FAM107B: variants seen among roughly 807,000 people sequenced by gnomAD.
FAM107B encodes protein FAM107B.
A neutral mutation model predicts 31.5 loss-of-function variants in FAM107B; 21 were observed. The observed-to-expected ratio is 0.67, with a 90% CI of 0.47 to 0.96. FAM107B has a LOEUF of 0.96. Among genes scored for constraint, FAM107B ranks in the 40% least tolerant of loss-of-function variants. The pLI is 0.00. For synonymous variants in FAM107B, 157 were observed against 141.5 expected (o/e 1.11, Z -0.78); for missense variants, 452 against 377.1 (o/e 1.20, Z -1.64).
At chr10:14,770,379 C>T (rs1032707263) in intron 1 of FAM107B, among the ~76,000 whole-genome samples, 1 of 151,882 alleles carries the variant, frequency 6.6e-6, no homozygotes, top group African/African-American at 2.4e-5. Flanking sequence ...AAAAATTAGC[C>T]AGGCGTGGTG....
intron 1 of FAM107B, among the ~76,000 whole-genome samples, chr10:14,737,645 A>G (rs748941558): frequency 3.3e-5 from 5 of 152,094 alleles, no homozygotes; most frequent in African/African-American, 4.8e-5. Flanking sequence ...CAAACAAAAA[A>G]GCAAGCATTT....
intron 2 of FAM107B, among the ~76,000 whole-genome samples, chr10:14,579,000 C>T (rs966176444): frequency 5.3e-5 from 8 of 151,800 alleles, no homozygotes; most frequent in East Asian, 1.9e-4. Flanking sequence ...TAAATTATAA[C>T]GAAGAGAAAA....
At chr10:14,538,049 T>C (rs143536078) in intron 2 of FAM107B, among the ~76,000 whole-genome samples, 1 of 152,280 alleles carries the variant, frequency 6.6e-6, no homozygotes, top group Non-Finnish European at 1.5e-5. Context: ...AGGAAGCTCT[T>C]AGGCACTCCA....
At chr10:14,759,081 G>A (rs1017344595) in intron 1 of FAM107B, among the ~76,000 whole-genome samples, 1 of 151,626 alleles carries the variant, frequency 6.6e-6, no homozygotes, top group Non-Finnish European at 1.5e-5. Context: ...AAGAGGCTGA[G>A]GCAGGAAATC....
At chr10:14,545,541 G>A (rs1588539283) in intron 2 of FAM107B, among the ~76,000 whole-genome samples, 1 of 152,194 alleles carries the variant, frequency 6.6e-6, no homozygotes, top group East Asian at 1.9e-4. Context: ...GCAATGACAT[G>A]CAGCAGATAC....
At chr10:14,623,872 A>G (rs1172113992) in intron 2 of FAM107B, among the ~76,000 whole-genome samples, 2 of 152,218 alleles carry the variant, frequency 1.3e-5, no homozygotes, top group African/African-American at 4.8e-5. Context: ...TCTTAAAGGC[A>G]TATGAAACAA....
chr10:14,560,501 GA>G (rs1426879428), intron 2 of FAM107B, among the ~76,000 whole-genome samples: 6 of 152,226 alleles, frequency 3.9e-5, no homozygotes, highest in African/African-American at 1.4e-4. Context: ...GCAGGTGGCA[GA>G]AACAATGGAG....
intron 2 of FAM107B, among the ~76,000 whole-genome samples, chr10:14,648,001 G>GAA (rs546564001): frequency 7.5e-6 from 1 of 132,714 alleles, no homozygotes; most frequent in Non-Finnish European, 1.6e-5. Flanking sequence ...ATTTTTAGCG[G>GAA]AAAAAAAAAA....
intron 1 of FAM107B, among the ~76,000 whole-genome samples, chr10:14,763,105 T>C (rs543960851): frequency 1.3e-4 from 19 of 151,880 alleles, no homozygotes; most frequent in Non-Finnish European, 1.8e-4. Context: ...CTACTGATAA[T>C]ACAAAACTTA....
intron 1 of FAM107B, among the ~76,000 whole-genome samples, chr10:14,722,585 T>A (rs1280597583): frequency 2.6e-5 from 4 of 152,238 alleles, no homozygotes; most frequent in Non-Finnish European, 4.4e-5. Flanking sequence ...ATATTGAGAA[T>A]CTTGTCATGT....
In FAM107B at chr10:14,518,619, C is replaced by T. The variant is rs1845343602; in HGVS notation, c.*2571G>A. 6.6e-6 allele frequency: 1 copy of T among 152,616 alleles called. No homozygotes were observed. The highest frequency in any genetic ancestry group is 1.5e-5 in the Non-Finnish European group (1 of 68,038). The allele number at this position is 152,616 out of a possible 1,614,324, so 9.5% of individuals were successfully genotyped here. A position where few individuals can be genotyped will look rare whatever the true frequency, so the allele number is the denominator to read the frequency against. ...TAACTTTGGTTCTAAGAATTCCACC[C>T]TCAATTCTTTAATACTTTCCGTTAA... On this transcript the variant is annotated 3_prime_UTR_variant, in exon 5 of 5. Coordinates refer to ENST00000181796, the MANE Select transcript of FAM107B (RefSeq NM_031453.4).
rs1321032513 is a variant in FAM107B at position 14,774,697 on chromosome 10, G to T, written c.-34C>A. The T allele has an allele frequency of 6.3e-7, 1 of 1,584,592 alleles. No individual in the cohort carries two copies. The highest frequency in any genetic ancestry group is 1.2e-5 in the South Asian group (1 of 85,794). ...GTGAATCATTGCAAAGTTCAAACGG[G>T]GCAAGGAAATTTTCCAGGGGTCCAC... On this transcript the variant is annotated 5_prime_UTR_variant, in exon 1 of 5. Coordinates refer to ENST00000181796, the MANE Select transcript of FAM107B (RefSeq NM_031453.4).
intron 1 of FAM107B, among the ~76,000 whole-genome samples, chr10:14,749,527 T>G (rs1411086261): frequency 2.0e-5 from 3 of 152,214 alleles, no homozygotes; most frequent in Non-Finnish European, 4.4e-5. Context: ...TAATTTCCCC[T>G]GGCCCTAGCA....
chr10:14,654,523 T>C (rs1042755396), intron 2 of FAM107B, among the ~76,000 whole-genome samples: 26 of 152,320 alleles, frequency 1.7e-4, no homozygotes, highest in African/African-American at 5.3e-4. Flanking sequence ...GGATAAGAAA[T>C]CAGAGGTGAT....
intron 2 of FAM107B, among the ~76,000 whole-genome samples, chr10:14,540,535 CCTCT>C (rs1210014040): frequency 9.2e-5 from 14 of 152,190 alleles, no homozygotes; most frequent in Admixed American, 9.2e-4. Context: ...GACCACCCTC[CCTCT>C]GTCCTCCCCC....
chr10:14,569,883 TCAGCCAA>T (rs1851045575), intron 2 of FAM107B, among the ~76,000 whole-genome samples: 1 of 152,222 alleles, frequency 6.6e-6, no homozygotes, highest in African/African-American at 2.4e-5. Flanking sequence ...TTGGCCAGCC[TCAGCCAA>T]CAGCCAACCA....
chr10:14,655,789 TG>T (rs1202772431), intron 2 of FAM107B, among the ~76,000 whole-genome samples: 3 of 152,184 alleles, frequency 2.0e-5, no homozygotes, highest in Admixed American at 6.5e-5. Context: ...TTAACCCTCC[TG>T]GGGATCCCTG....
rs1854132162 is a variant in FAM107B, at chr10:14,658,485, C to CTG, written c.469+9148_469+9149insCA. ...TATATGTGTTAAGTACCCAAATAAA[C>CTG]AACAGTTTTTACATCAAAAGTCACG... On this transcript the variant is annotated intron_variant, in intron 2 of 4. Transcript: ENST00000181796. 2.0e-5 allele frequency among the ~76,000 whole-genome samples: 3 copies of CTG among 152,332 alleles called. No individual in the cohort carries two copies. In the South Asian group the frequency reaches 6.2e-4, roughly 32 times the overall value.
chr10:14,656,053 C>T (rs573668953), intron 2 of FAM107B, among the ~76,000 whole-genome samples: 3 of 152,228 alleles, frequency 2.0e-5, no homozygotes, highest in East Asian at 1.9e-4. Flanking sequence ...TCCTCCCCAT[C>T]GCTGATATAA....
Sources: gnomAD v4.1 joint callset for allele counts (sites outside exome capture counted in the v4.1 genomes callset) on GRCh38, gnomAD v4.1.1 for gene constraint, MANE v1.5 for transcripts, NCBI Gene and HGNC (gene_info 2026-07-23, HGNC 2026-07-21) for gene names.